Variants in ADGRV1 observed in about 807,000 individuals in gnomAD.
ADGRV1 encodes the protein G-protein coupled receptor 98.
In ADGRV1, 359 loss-of-function variants were observed where a neutral mutation model predicts 596.2. That is an observed-to-expected ratio of 0.60 (90% CI 0.55 to 0.66). The LOEUF (loss-of-function observed/expected upper bound fraction) is 0.66, where lower values mean the gene tolerates loss of function less well. ADGRV1 is among the 30% of genes least tolerant of loss of function. The pLI is 0.00. For synonymous variants in ADGRV1, 2,681 were observed against 2,679.2 expected, an observed-to-expected ratio of 1.00 and a Z score of -0.02; for missense variants, 7,274 against 7,575.6, an observed-to-expected ratio of 0.96 and a Z score of 1.48.
chr5:90,983,678 A>G (rs775725503), intron 84 of ADGRV1, among the ~76,000 whole-genome samples: 9 of 152,196 alleles, frequency 5.9e-5, no homozygotes, highest in Non-Finnish European at 1.3e-4. Context: ...AAAAAGTTGG[A>G]TCTAGTAATT....
intron 24 of ADGRV1, 32 bp from the exon 25 acceptor site, chr5:90,676,048 G>T: frequency 6.5e-7 from 1 of 1,549,160 alleles, no homozygotes; most frequent in Non-Finnish European, 8.8e-7. Context: ...CAGAATGATT[G>T]TAATCTAATG....
chr5:90,683,438 A>G, intron 27 of ADGRV1, 148 bp from the exon 28 acceptor site: 2 of 638,230 alleles, frequency 3.1e-6, no homozygotes, highest in Non-Finnish European at 5.3e-6. Flanking sequence ...GATGGATAGT[A>G]TATGACCCCT....
chr5:90,682,463 C>G (rs1386381754), intron 27 of ADGRV1, among the ~76,000 whole-genome samples: 2 of 152,190 alleles, frequency 1.3e-5, no homozygotes, highest in African/African-American at 4.8e-5. Flanking sequence ...AACAATAACT[C>G]TATATGATGT....
intron 17 of ADGRV1, among the ~76,000 whole-genome samples, chr5:90,648,060 G>C (rs1768055152): frequency 6.6e-6 from 1 of 152,154 alleles, no homozygotes; most frequent in Non-Finnish European, 1.5e-5. Context: ...AACAGGACTT[G>C]GGAATACGGC....
chr5:91,135,154 G>A (rs779494891), intron 87 of ADGRV1, among the ~76,000 whole-genome samples: 11 of 150,140 alleles, frequency 7.3e-5, no homozygotes, highest in Non-Finnish European at 1.2e-4. Flanking sequence ...ACTCCAGCCT[G>A]GGAGACAGAG....
chr5:90,579,208 T>C (rs1369697669), intron 1 of ADGRV1, among the ~76,000 whole-genome samples: 1 of 152,236 alleles, frequency 6.6e-6, no homozygotes, highest in Non-Finnish European at 1.5e-5. Flanking sequence ...ACGGTGCCGA[T>C]TTTAGATCTT....
At chr5:90,802,616 G>A in intron 70 of ADGRV1, 123 bp from the exon 71 acceptor site, 1 of 746,842 alleles carries the variant, frequency 1.3e-6, no homozygotes, top group Non-Finnish European at 2.2e-6. Flanking sequence ...GGGGAAAAGT[G>A]CATGTATTGA....
intron 28 of ADGRV1, 92 bp from the exon 29 acceptor site, chr5:90,685,688 A>G: frequency 6.1e-6 from 4 of 656,628 alleles, no homozygotes; most frequent in Non-Finnish European, 9.9e-6. Context: ...TATTTGGCTG[A>G]TGGAATCTTG....
At position 90,675,495 on chromosome 5, in the gene ADGRV1, AT is replaced by A. The variant is rs143975144; in HGVS notation, c.5313+51del. ...TTGTATTTGCACTTGTAAAACAGAC[AT>A]AATCCTTCTCTGGAAGGGATATACA... On this transcript the variant is annotated intron_variant, in intron 24 of 89. Coordinates refer to ENST00000405460, the MANE Select transcript of ADGRV1 (RefSeq NM_032119.4). 5 of 1,497,560 alleles carry A rather than the reference AT, an allele frequency of 3.3e-6. No individual in the cohort carries two copies. In the African/African-American group the frequency reaches 6.9e-5, roughly 21 times the overall value. 92.8% of individuals were successfully genotyped at this position (1,497,560 alleles called of 1,614,324 possible).
chr5:90,893,763 C>T (rs1771047538), intron 83 of ADGRV1, among the ~76,000 whole-genome samples: 1 of 152,108 alleles, frequency 6.6e-6, no homozygotes, highest in African/African-American at 2.4e-5. Context: ...ATAAGGATTA[C>T]TTGTAAGGAC....
intron 84 of ADGRV1, among the ~76,000 whole-genome samples, chr5:90,976,298 A>G (rs866261788): frequency 1.7e-5 from 2 of 118,996 alleles, no homozygotes; most frequent in South Asian, 2.6e-4. Flanking sequence ...GTGTGTGTAT[A>G]TGTGTGTGTG....
chr5:90,724,410 A>G (rs1751490510), intron 45 of ADGRV1, among the ~76,000 whole-genome samples: 1 of 152,002 alleles, frequency 6.6e-6, no homozygotes, highest in Admixed American at 6.6e-5. Context: ...TTGTATTTTT[A>G]GTAGAGAACG....
chr5:90,967,428 A>G (rs899941929), intron 84 of ADGRV1, among the ~76,000 whole-genome samples: 1 of 152,244 alleles, frequency 6.6e-6, no homozygotes, highest in African/African-American at 2.4e-5. Flanking sequence ...TAAAACTTAC[A>G]TATCTGCTGA....
Position 90,685,786 on chromosome 5 carries a change from ATTCTC to A in ADGRV1, c.6282_6286del (p.Ser2095ThrfsTer5). 6.2e-7 allele frequency: 1 copy of A among 1,604,428 alleles called. No homozygotes were observed. The highest frequency in any genetic ancestry group is 1.7e-5 in the Admixed American group (1 of 59,678). On this transcript the variant is annotated frameshift_variant, in exon 29 of 90. Coordinates refer to ENST00000405460, the MANE Select transcript of ADGRV1 (RefSeq NM_032119.4). LOFTEE classifies it high-confidence loss of function. ...TGGATCTTCTGTCTTTCAGTTCCAAATTCTCCACGTCTTGGGCCTAAGGTAGAAAC... is the reference window on the plus strand; with the variant it reads ...TGGATCTTCTGTCTTTCAGTTCCAAACACGTCTTGGGCCTAAGGTAGAAAC...
intron 77 of ADGRV1, among the ~76,000 whole-genome samples, chr5:90,829,704 A>T (rs1423180910): frequency 6.6e-6 from 1 of 152,186 alleles, no homozygotes; most frequent in Non-Finnish European, 1.5e-5. Flanking sequence ...GACTCAGAAG[A>T]TCAATGCTGC....
intron 85 of ADGRV1, among the ~76,000 whole-genome samples, chr5:91,008,041 T>A (rs1002815468): frequency 1.3e-5 from 2 of 152,206 alleles, no homozygotes; most frequent in Non-Finnish European, 2.9e-5. Context: ...ATTAATTGTG[T>A]CTCTTTCTTC....
chr5:91,137,978 A>G (rs1201423356), intron 87 of ADGRV1, among the ~76,000 whole-genome samples: 5 of 152,246 alleles, frequency 3.3e-5, no homozygotes. Context: ...TGGCTTCTAC[A>G]ATGCTGGTCC....
rs191036195 is a variant in ADGRV1 at position 90,694,327 on chromosome 5, T to G, written c.7571T>G (p.Val2524Gly). Reference sequence around the variant, plus strand: ...GGTGATGAATTCGCAAATCTCACAGTGTCTATTCTTCCTGATGATTTCCCA... The same window carrying G: ...GGTGATGAATTCGCAAATCTCACAGGGTCTATTCTTCCTGATGATTTCCCA... ...QEGDEFANLT[V>G]SILPDDFPEM... The change falls in exon 33 of 90, where the codon GTG becomes GGG. Residue 2524 changes from valine to glycine, a missense_variant. By Grantham distance (109) the Val-to-Gly change is moderately radical. This residue lies in a region of ADGRV1 where 3,643 missense variants were observed against 3,809.2 expected (regional missense o/e 0.96). Coordinates refer to ENST00000405460, the MANE Select transcript of ADGRV1 (RefSeq NM_032119.4). 1 of 1,613,992 alleles carries G rather than the reference T, an allele frequency of 6.2e-7. No individual in the cohort carries two copies. Among genetic ancestry groups the G allele is most frequent in the Admixed American group, 1.7e-5 (1 of 60,004 alleles).
At chr5:91,035,861 T>TATATATAATATATATATATA in intron 85 of ADGRV1, among the ~76,000 whole-genome samples, 2 of 96,402 alleles carry the variant, frequency 2.1e-5, no homozygotes, top group African/African-American at 7.6e-5. Flanking sequence ...TATATATATA[T>TATATATAATATATATATATA]TATATATATA....
Sources: gnomAD v4.1 joint callset for allele counts (sites outside exome capture counted in the v4.1 genomes callset) on GRCh38, gnomAD v4.1.1 for gene constraint, gnomAD v4.1.1 regional missense constraint, MANE v1.5 for transcripts, NCBI Gene and HGNC (gene_info 2026-07-23, HGNC 2026-07-21) for gene names.